The following ZC3H7A variants were observed in gnomAD, a reference collection of about 807,000 sequenced individuals.
ZC3H7A encodes zinc finger CCCH domain-containing protein 7A.
In ZC3H7A, 44 loss-of-function variants were observed where a neutral mutation model predicts 125.5. That is an observed-to-expected ratio of 0.35 (90% CI 0.28 to 0.45). ZC3H7A has a LOEUF of 0.45. ZC3H7A is among the 20% of genes least tolerant of loss of function. ZC3H7A has a pLI of 1.00. For synonymous variants in ZC3H7A, 399 were observed against 391.2 expected, an observed-to-expected ratio of 1.02 and a Z score of -0.23; for missense variants, 977 against 1,170.7, an observed-to-expected ratio of 0.83 and a Z score of 2.41.
intron 20 of ZC3H7A, among the ~76,000 whole-genome samples, 191 bp downstream of exon 20, chr16:11,758,240 G>T (rs2052685988): frequency 6.6e-6 from 1 of 152,122 alleles, no homozygotes; most frequent in Non-Finnish European, 1.5e-5. Context: ...CAGATCAGAC[G>T]CCACATTCTA....
intron 15 of ZC3H7A, 130 bp downstream of exon 15, chr16:11,764,923 T>C (rs2141176610): frequency 1.7e-6 from 1 of 591,194 alleles, no homozygotes; most frequent in East Asian, 3.4e-5. Context: ...TAAAATTTTG[T>C]CATTGTTCTT....
chr16:11,780,872 T>C (rs28554084), intron 3 of ZC3H7A, among the ~76,000 whole-genome samples: 34,849 of 152,068 alleles, frequency 0.23, 5,055 homozygotes, highest in African/African-American at 0.41. Flanking sequence ...AGCAGATCAC[T>C]AGTTCTTCCC....
intron 12 of ZC3H7A, among the ~76,000 whole-genome samples, chr16:11,767,949 G>C (rs1015009685): frequency 2.0e-5 from 3 of 152,140 alleles, no homozygotes; most frequent in Non-Finnish European, 4.4e-5. Context: ...CATATACATT[G>C]TATTGTATAC....
In ZC3H7A at chr16:11,758,598, T is replaced by G. The variant is rs888166615; in HGVS notation, c.2320-59A>C. On this transcript the variant is annotated intron_variant, in intron 19 of 22. Coordinates refer to ENST00000355758, the MANE Select transcript of ZC3H7A (RefSeq NM_014153.4). ...AGTACACCTAGTAAAACGGCCTAAT[T>G]TTTACATTTAAGCAAAAGAAGCATT... 2.4e-5 allele frequency: 29 copies of G among 1,227,714 alleles called. No homozygotes were observed. In the Admixed American group the frequency reaches 5.4e-4, roughly 23 times the overall value. The allele number at this position is 1,227,714 out of a possible 1,614,324, so 76.1% of individuals were successfully genotyped here. A position where few individuals can be genotyped will look rare whatever the true frequency, so the allele number is the denominator to read the frequency against.
intron 3 of ZC3H7A, among the ~76,000 whole-genome samples, 187 bp downstream of exon 3, chr16:11,781,238 T>C (rs1308212525): frequency 1.3e-5 from 2 of 151,978 alleles, no homozygotes; most frequent in Non-Finnish European, 2.9e-5. Flanking sequence ...AGATAATACA[T>C]AAACAAATGA....
intron 1 of ZC3H7A, among the ~76,000 whole-genome samples, chr16:11,785,522 T>A (rs76864065): frequency 0.073 from 10,977 of 151,346 alleles, 462 homozygotes; most frequent in Middle Eastern, 0.11. Flanking sequence ...AATATTTTTT[T>A]AAAAAAACTA....
chr16:11,793,843 T>C (rs999421326), intron 1 of ZC3H7A, among the ~76,000 whole-genome samples: 4 of 152,200 alleles, frequency 2.6e-5, no homozygotes, highest in African/African-American at 9.7e-5. Context: ...GAAAATTTCA[T>C]GAGAGACAGT....
At chr16:11,760,095 A>G (rs2052720558) in intron 19 of ZC3H7A, among the ~76,000 whole-genome samples, 1 of 135,230 alleles carries the variant, frequency 7.4e-6, no homozygotes, top group South Asian at 2.5e-4. Flanking sequence ...ATTGCACTCC[A>G]GCCTGGGTGA....
intron 13 of ZC3H7A, among the ~76,000 whole-genome samples, chr16:11,766,464 T>G (rs1369119616): frequency 6.6e-6 from 1 of 152,184 alleles, no homozygotes; most frequent in Non-Finnish European, 1.5e-5. Context: ...ATTCGGTAGC[T>G]GAGTCATGAG....
chr16:11,754,291 CAA>C (rs71136680), intron 21 of ZC3H7A, among the ~76,000 whole-genome samples: 1 of 46,582 alleles, frequency 2.1e-5, no homozygotes, highest in African/African-American at 8.8e-5. Flanking sequence ...GACCCTGTCT[CAA>C]AAAAAAAAAA....
chr16:11,773,189 T>C (rs1278915730), intron 9 of ZC3H7A, among the ~76,000 whole-genome samples: 3 of 151,882 alleles, frequency 2.0e-5, no homozygotes, highest in Non-Finnish European at 4.4e-5. Flanking sequence ...ATTTTATTGA[T>C]TGACTGATTG....
At chr16:11,785,706 G>A (rs111649745) in intron 1 of ZC3H7A, among the ~76,000 whole-genome samples, 25,825 of 151,986 alleles carry the variant, frequency 0.17, 2,892 homozygotes, top group East Asian at 0.49. Context: ...TGCAACCTCC[G>A]CCTCCCGGCA....
At chr16:11,793,831 A>T (rs2053391031) in intron 1 of ZC3H7A, among the ~76,000 whole-genome samples, 1 of 152,216 alleles carries the variant, frequency 6.6e-6, no homozygotes, top group Non-Finnish European at 1.5e-5. Context: ...TTTACTGAAA[A>T]GGAAAATTTC....
At chr16:11,795,186 T>C (rs1030717804) in intron 1 of ZC3H7A, among the ~76,000 whole-genome samples, 1 of 152,202 alleles carries the variant, frequency 6.6e-6, no homozygotes. Context: ...TTCTGCAAAT[T>C]AGGACAAGAC....
Position 11,768,273 on chromosome 16 carries a change from G to A in ZC3H7A, c.1360+42C>T, listed in dbSNP as rs112932096. ...TTCCTAAGAACTTTCAAGGTTATGA[G>A]CAAGTAGTTTAATACTCTCTGCGTG... On this transcript the variant is annotated intron_variant, in intron 12 of 22. Transcript: ENST00000355758. The A allele has an allele frequency of 1.3e-4, 177 of 1,388,014 alleles. 1 individual carries two copies. The African/African-American group carries it at 2.2e-3, about 17-fold the overall frequency. 86.0% of individuals were successfully genotyped at this position (1,388,014 alleles called of 1,614,324 possible).
chr16:11,782,427 G>C lies in ZC3H7A; in HGVS notation c.-34-39C>G, dbSNP rs77225676. 3,693 of 1,560,886 alleles carry C rather than the reference G, an allele frequency of 2.4e-3. 44 individuals carry two copies. In the African/African-American group the frequency reaches 0.028, roughly 12 times the overall value. The stretch of plus-strand genomic sequence containing the variant: ...AGGCAAAAAAGCACATAAGGTACCA[G>C]GGTCCCTGGACTCCAATGAAAACAC... On this transcript the variant is annotated intron_variant, in intron 1 of 22. Transcript: ENST00000355758.
chr16:11,768,612 G>T, intron 11 of ZC3H7A, 111 bp from the exon 12 acceptor site: 2 of 939,552 alleles, frequency 2.1e-6, no homozygotes, highest in Non-Finnish European at 3.0e-6. Context: ...CATAAACTGA[G>T]GTCAGTACTA....
Position 11,774,296 on chromosome 16 carries a change from G to C in ZC3H7A, c.843C>G (p.Val281=), listed in dbSNP as rs1181159335. 1.9e-6 allele frequency: 3 copies of C among 1,613,618 alleles called. No individual in the cohort carries two copies. Among genetic ancestry groups the C allele is most frequent in the Non-Finnish European group, 1.7e-6 (2 of 1,179,804 alleles). Residue 281 remains valine, a synonymous_variant, in exon 9 of 23, where the codon GTC becomes GTG. Transcript: ENST00000355758. ...GCAGGTCATCTAGTTCATCTCCAAG[G>C]ACCATATCTCCATCATCTAGAAAAG... ...PEAFLDDGDM[V]LGDELDDLLD... is the part of the protein sequence containing the mutation.
chr16:11,773,406 T>C (rs2053021103), intron 9 of ZC3H7A, among the ~76,000 whole-genome samples: 1 of 151,948 alleles, frequency 6.6e-6, no homozygotes. Flanking sequence ...TCATATAATC[T>C]CCATATGTCA....
Sources: gnomAD v4.1 joint callset for allele counts (sites outside exome capture counted in the v4.1 genomes callset) on GRCh38, gnomAD v4.1.1 for gene constraint, MANE v1.5 for transcripts, NCBI Gene and HGNC (gene_info 2026-07-23, HGNC 2026-07-21) for gene names.